KLHL24: variants seen among roughly 807,000 people sequenced by gnomAD.
KLHL24 encodes the protein kelch-like protein 24.
Under a neutral mutation model 53.4 loss-of-function variants are expected in KLHL24, and 29 were observed. The observed-to-expected ratio is 0.54, with a 90% CI of 0.40 to 0.74. KLHL24 has a LOEUF of 0.74. Among genes scored for constraint, KLHL24 ranks in the 30% least tolerant of loss-of-function variants. KLHL24 has a pLI of 0.00. For synonymous variants in KLHL24, 222 were observed against 253.7 expected, an observed-to-expected ratio of 0.88 and a Z score of 1.19; for missense variants, 504 against 744.0, an observed-to-expected ratio of 0.68 and a Z score of 3.75.
chr3:183,640,802 A>G (rs1178911536), intron 1 of KLHL24, among the ~76,000 whole-genome samples: 8 of 151,830 alleles, frequency 5.3e-5, no homozygotes, highest in South Asian at 2.1e-4. Flanking sequence ...GGGTTTCACT[A>G]TGTTGGCCAG....
intron 7 of KLHL24, among the ~76,000 whole-genome samples, chr3:183,678,671 A>G (rs1378965096): frequency 1.3e-5 from 2 of 151,388 alleles, no homozygotes; most frequent in Non-Finnish European, 2.9e-5. Flanking sequence ...TCCTCCCCCA[A>G]CTCTGCACCT....
At chr3:183,674,243 TTTTCTTTCTTTCTTTCTTTCTTTCTTTC>T (rs370677824) in intron 7 of KLHL24, among the ~76,000 whole-genome samples, 1 of 130,970 alleles carries the variant, frequency 7.6e-6, no homozygotes, top group African/African-American at 2.9e-5. Flanking sequence ...TTAGCATCAA[TTTTCTTTCTTTCTTTCTTTCTTTCTTTC>T]TTTCTTTCTT....
Position 183,650,326 on chromosome 3 carries a change from C to A in KLHL24, c.-31C>A. The A allele has an allele frequency of 6.5e-7, 1 of 1,541,256 alleles. No individual in the cohort carries two copies. Among genetic ancestry groups the A allele is most frequent in the Non-Finnish European group, 8.8e-7 (1 of 1,131,328 alleles). On this transcript the variant is annotated 5_prime_UTR_variant, in exon 3 of 8. Transcript: ENST00000242810. This position sits in a 1 kb window ranked among gnomAD's most constrained non-coding sequence, Gnocchi z 4.5. ...TAAAGAAGATCCCTAATAGTCATTTCTCAACAATTATATAGTCAACTGATG... is the reference window on the plus strand; with the variant it reads ...TAAAGAAGATCCCTAATAGTCATTTATCAACAATTATATAGTCAACTGATG...
rs1712513758 is a variant in KLHL24 at position 183,679,994 on chromosome 3, T to C, written c.*708T>C. On this transcript the variant is annotated 3_prime_UTR_variant, in exon 8 of 8. Coordinates refer to ENST00000242810, the MANE Select transcript of KLHL24 (RefSeq NM_017644.3). ...TACAAGTTAATTCCTAAGAGAAAAA[T>C]GGAATGGCCTTTGAAGGAAAAATGA... 1 of 152,012 alleles carries C rather than the reference T, an allele frequency of 6.6e-6. No individual in the cohort carries two copies. The highest frequency in any genetic ancestry group is 1.5e-5 in the Non-Finnish European group (1 of 67,984). 9.4% of individuals were successfully genotyped at this position (152,012 alleles called of 1,614,324 possible).
chr3:183,683,406 C>T lies in KLHL24; in HGVS notation c.*4120C>T, dbSNP rs1367959428. On this transcript the variant is annotated 3_prime_UTR_variant, in exon 8 of 8. Transcript: ENST00000242810. ...TGCATCTTATTGAAAGCCAGGTTTA[C>T]ATCACCTCACCCCATTATTCTTTTT... 1 of 152,596 alleles carries T rather than the reference C, an allele frequency of 6.6e-6. No individual in the cohort carries two copies. The highest frequency in any genetic ancestry group is 1.5e-5 in the Non-Finnish European group (1 of 68,020). The allele number at this position is 152,596 out of a possible 1,614,324, so 9.5% of individuals were successfully genotyped here. A position where few individuals can be genotyped will look rare whatever the true frequency, so the allele number is the denominator to read the frequency against.
At chr3:183,637,625 T>C (rs1715539982) in intron 1 of KLHL24, among the ~76,000 whole-genome samples, 1 of 152,190 alleles carries the variant, frequency 6.6e-6, no homozygotes, top group Non-Finnish European at 1.5e-5. Flanking sequence ...ATATAGGAAT[T>C]CACTCAAGAC....
At chr3:183,636,033 C>T (rs1285464414) in intron 1 of KLHL24, among the ~76,000 whole-genome samples, 1 of 152,114 alleles carries the variant, frequency 6.6e-6, no homozygotes, top group Non-Finnish European at 1.5e-5. Context: ...CCTCCTGGCA[C>T]TACGGCCCGG....
intron 4 of KLHL24, 27 bp from the exon 5 acceptor site, chr3:183,664,894 C>T (rs377629602): frequency 2.4e-5 from 31 of 1,311,700 alleles, no homozygotes; most frequent in South Asian, 1.9e-4. Context: ...GATAAATTAT[C>T]GTGTGTGCAT....
chr3:183,669,552 A>G (rs986873888), intron 5 of KLHL24, among the ~76,000 whole-genome samples: 1 of 152,156 alleles, frequency 6.6e-6, no homozygotes, highest in East Asian at 1.9e-4. Context: ...TGTTGGGGAC[A>G]CAAACTCACC....
chr3:183,658,243 G>T (rs1388630925), intron 3 of KLHL24, among the ~76,000 whole-genome samples: 1 of 151,540 alleles, frequency 6.6e-6, no homozygotes, highest in Admixed American at 6.6e-5. Flanking sequence ...TTGCATAGTT[G>T]TAGATGAATG....
In KLHL24 at chr3:183,669,968, G is replaced by A. The variant is rs75053953; in HGVS notation, c.1225-1066G>A. On this transcript the variant is annotated intron_variant, in intron 5 of 7. Transcript: ENST00000242810. ...GTCCATTAAGAGAAATGTGAGCTGG[G>A]CGTGATGGCTCACGCCTGTAATCCC... Among the ~76,000 whole-genome samples the A allele has an allele frequency of 1.5e-3, 226 of 152,340 alleles. 4 individuals carry two copies. In the East Asian group the frequency reaches 0.036, roughly 24 times the overall value.
intron 5 of KLHL24, among the ~76,000 whole-genome samples, chr3:183,665,463 C>A (rs1720396078): frequency 6.6e-6 from 1 of 152,192 alleles, no homozygotes; most frequent in African/African-American, 2.4e-5. Context: ...GATAAACTCA[C>A]TAACAGGCCA....
intron 3 of KLHL24, among the ~76,000 whole-genome samples, chr3:183,656,817 A>G (rs965871609): frequency 6.6e-6 from 1 of 151,468 alleles, no homozygotes. Flanking sequence ...CCCAGCTCTC[A>G]GGGAGGCAAG....
intron 7 of KLHL24, among the ~76,000 whole-genome samples, chr3:183,676,573 T>C (rs1455115987): frequency 1.3e-5 from 2 of 152,168 alleles, no homozygotes; most frequent in African/African-American, 4.8e-5. Flanking sequence ...CTGAAAAAAA[T>C]GAGGTCTTTA....
intron 7 of KLHL24, among the ~76,000 whole-genome samples, chr3:183,676,813 A>G (rs1711967620): frequency 6.6e-6 from 1 of 152,124 alleles, no homozygotes; most frequent in Admixed American, 6.5e-5. Context: ...TTAAAATACC[A>G]TTAAAGATTA....
Position 183,672,500 on chromosome 3 carries a change from A to G in KLHL24, c.1602+16A>G, listed in dbSNP as rs1224779745. 1 of 1,549,496 alleles carries G rather than the reference A, an allele frequency of 6.5e-7. No homozygotes were observed. Among genetic ancestry groups the G allele is most frequent in the African/African-American group, 1.4e-5 (1 of 72,628 alleles). On this transcript the variant is annotated intron_variant, in intron 7 of 7. Transcript: ENST00000242810. ...CAGCCGTCAGGTAATAACATAAAGC[A>G]GTACAAAAGAAAAATAAATCTAAGA...
rs1329523900 is a variant in KLHL24, at chr3:183,682,224, T to C, written c.*2938T>C. ...GGAAAGGGAATTCAAAGGTATGCTT[T>C]GTAGAACAGAAAAGTATAGTTTTTT... On this transcript the variant is annotated 3_prime_UTR_variant, in exon 8 of 8. Coordinates refer to ENST00000242810, the MANE Select transcript of KLHL24 (RefSeq NM_017644.3). The C allele has an allele frequency of 1.3e-5, 2 of 152,182 alleles. No homozygotes were observed. The highest frequency in any genetic ancestry group is 2.4e-5 in the African/African-American group (1 of 41,464). 9.4% of individuals were successfully genotyped at this position (152,182 alleles called of 1,614,324 possible).
chr3:183,649,640 G>C (rs1415487114), intron 2 of KLHL24, among the ~76,000 whole-genome samples: 1 of 151,930 alleles, frequency 6.6e-6, no homozygotes, highest in African/African-American at 2.4e-5. Flanking sequence ...ATTTCACCAG[G>C]CATGGTGGCT....
At chr3:183,656,608 T>C (rs1340103498) in intron 3 of KLHL24, among the ~76,000 whole-genome samples, 1 of 152,222 alleles carries the variant, frequency 6.6e-6, no homozygotes, top group Non-Finnish European at 1.5e-5. Flanking sequence ...CTCAGTATGC[T>C]AAGTGCTAGG....
Sources: gnomAD v4.1 joint callset for allele counts (sites outside exome capture counted in the v4.1 genomes callset) on GRCh38, gnomAD v4.1.1 for gene constraint, Gnocchi (gnomAD v3.1) non-coding constraint, MANE v1.5 for transcripts, NCBI Gene and HGNC (gene_info 2026-07-23, HGNC 2026-07-21) for gene names.